SSH2: variants seen among roughly 807,000 people sequenced by gnomAD.
The protein encoded by SSH2 is protein phosphatase Slingshot homolog 2.
Under a neutral mutation model 135.2 loss-of-function variants are expected in SSH2, and 37 were observed. That is an observed-to-expected ratio of 0.27 (90% CI 0.21 to 0.36). The LOEUF (loss-of-function observed/expected upper bound fraction) is 0.36. SSH2 is among the 10% of genes least tolerant of loss of function. The probability of loss-of-function intolerance (pLI) is 1.00; values close to 1 mark genes in which losing one functional copy is unlikely to be tolerated. For missense variants in SSH2, 1,408 were observed against 1,765.3 expected (o/e 0.80, Z 3.63); for synonymous variants, 628 against 646.2 (o/e 0.97, Z 0.43).
intron 1 of SSH2, among the ~76,000 whole-genome samples, chr17:29,875,373 T>C (rs1041876552): frequency 1.3e-5 from 2 of 152,326 alleles, no homozygotes; most frequent in Admixed American, 6.5e-5. Flanking sequence ...GTAGGTTCTA[T>C]ATCCAAAATA....
chr17:29,859,351 A>C (rs958035912), intron 1 of SSH2, among the ~76,000 whole-genome samples: 2 of 151,888 alleles, frequency 1.3e-5, no homozygotes, highest in Non-Finnish European at 2.9e-5. Flanking sequence ...TATATGAATA[A>C]ACTCATGTCA....
intron 5 of SSH2, among the ~76,000 whole-genome samples, chr17:29,692,171 A>G (rs972654321): frequency 6.6e-6 from 1 of 151,850 alleles, no homozygotes; most frequent in Non-Finnish European, 1.5e-5. Flanking sequence ...AAAAATAAAA[A>G]AAAAAAAACA....
chr17:29,736,896 G>A (rs746388956), intron 3 of SSH2, among the ~76,000 whole-genome samples: 5 of 148,012 alleles, frequency 3.4e-5, no homozygotes, highest in East Asian at 4.0e-4. Flanking sequence ...TCAGGAGATC[G>A]AGACCATCCT....
At chr17:29,803,844 C>G (rs185848449) in intron 2 of SSH2, among the ~76,000 whole-genome samples, 4 of 152,130 alleles carry the variant, frequency 2.6e-5, no homozygotes, top group African/African-American at 9.7e-5. Context: ...GATATTTTTA[C>G]AGGTTAATGT....
At chr17:29,874,524 A>C (rs149791741) in intron 1 of SSH2, among the ~76,000 whole-genome samples, 20 of 152,208 alleles carry the variant, frequency 1.3e-4, no homozygotes, top group African/African-American at 4.6e-4. Context: ...GTGAGTTCTC[A>C]TGAGATCTGA....
intron 2 of SSH2, among the ~76,000 whole-genome samples, chr17:29,841,452 T>C (rs776418691): frequency 6.6e-6 from 1 of 152,202 alleles, no homozygotes; most frequent in Non-Finnish European, 1.5e-5. Context: ...TTCACTGACT[T>C]AAATTTATAC....
At chr17:29,680,021 A>T (rs2037903275) in intron 6 of SSH2, among the ~76,000 whole-genome samples, 1 of 152,220 alleles carries the variant, frequency 6.6e-6, no homozygotes, top group Non-Finnish European at 1.5e-5. Context: ...ATAGGTATAA[A>T]GACATAACAT....
At chr17:29,725,367 A>AAAAAAAAAAAC (rs2039967893) in intron 3 of SSH2, among the ~76,000 whole-genome samples, 1 of 151,204 alleles carries the variant, frequency 6.6e-6, no homozygotes, top group Non-Finnish European at 1.5e-5. Context: ...AAAAAAAAAA[A>AAAAAAAAAAAC]AAGCCAGGGA....
chr17:29,796,364 G>C (rs182964322), intron 2 of SSH2, among the ~76,000 whole-genome samples: 1 of 151,434 alleles, frequency 6.6e-6, no homozygotes, highest in African/African-American at 2.4e-5. Context: ...TTTTTGAGAC[G>C]GAGTCTCGCT....
At chr17:29,784,904 C>CT (rs2041928037) in intron 3 of SSH2, among the ~76,000 whole-genome samples, 1 of 152,114 alleles carries the variant, frequency 6.6e-6, no homozygotes, top group South Asian at 2.1e-4. Flanking sequence ...GCCCACATTG[C>CT]TTTTTTCCTC....
At chr17:29,721,096 C>T (rs2039808128) in intron 3 of SSH2, among the ~76,000 whole-genome samples, 1 of 152,172 alleles carries the variant, frequency 6.6e-6, no homozygotes. Context: ...TGATCCACAG[C>T]TCTTGGGGAG....
intron 1 of SSH2, among the ~76,000 whole-genome samples, chr17:29,858,626 C>T (rs1427878706): frequency 6.6e-6 from 1 of 152,094 alleles, no homozygotes; most frequent in East Asian, 1.9e-4. Flanking sequence ...TGCCTATAAT[C>T]CCAGCACTTT....
At position 29,779,810 on chromosome 17, in the gene SSH2, C is replaced by CAAAAAAAAAAA. The variant is rs56789691; in HGVS notation, c.188+14073_188+14083dup. 1.4e-3 allele frequency among the ~76,000 whole-genome samples: 28 copies of CAAAAAAAAAAA among 19,608 alleles called. 5 individuals carry two copies. Among genetic ancestry groups the CAAAAAAAAAAA allele is most frequent in the Non-Finnish European group, 2.1e-3 (25 of 11,666 alleles). 12.9% of individuals were successfully genotyped at this position (19,608 alleles called of 152,430 possible). On this transcript the variant is annotated intron_variant, in intron 3 of 15. Coordinates refer to ENST00000540801, the MANE Select transcript of SSH2 (RefSeq NM_001282129.2). ...TGGGCGACAGAGTGAGACTCTGTCT[C>CAAAAAAAAAAA]AAAAAAAAAAAAAAAAAAAAAAAAA...
At chr17:29,681,605 TTA>T (rs1290608509) in intron 6 of SSH2, among the ~76,000 whole-genome samples, 3 of 151,878 alleles carry the variant, frequency 2.0e-5, no homozygotes, top group Non-Finnish European at 2.9e-5. Context: ...CTCTATTATT[TTA>T]TAACTTAAAA....
intron 1 of SSH2, among the ~76,000 whole-genome samples, chr17:29,908,608 A>G (rs2066699763): frequency 6.6e-6 from 1 of 151,944 alleles, no homozygotes; most frequent in Admixed American, 6.6e-5. Context: ...TACTAAAAAT[A>G]CAAAAATTAG....
chr17:29,710,035 A>G (rs990018734), intron 3 of SSH2, among the ~76,000 whole-genome samples: 6 of 152,222 alleles, frequency 3.9e-5, no homozygotes, highest in Admixed American at 2.6e-4. Flanking sequence ...GAAAAGGTCA[A>G]CTAAGGGAAG....
intron 1 of SSH2, among the ~76,000 whole-genome samples, chr17:29,861,411 C>T (rs2065761777): frequency 6.6e-6 from 1 of 152,066 alleles, no homozygotes; most frequent in Non-Finnish European, 1.5e-5. Context: ...GCATCCTGCC[C>T]CGATAATCCA....
intron 2 of SSH2, among the ~76,000 whole-genome samples, chr17:29,801,646 G>C (rs2151314214): frequency 6.6e-6 from 1 of 152,208 alleles, no homozygotes; most frequent in East Asian, 1.9e-4. Flanking sequence ...TCTGTTTCTG[G>C]GTTACAACTG....
At chr17:29,650,831 C>A in intron 12 of SSH2, 31 bp from the exon 13 acceptor site, 1 of 1,555,682 alleles carries the variant, frequency 6.4e-7, no homozygotes, top group Non-Finnish European at 8.7e-7. Context: ...AATATGTGCT[C>A]TACTACTCAG....
Sources: gnomAD v4.1 joint callset for allele counts (sites outside exome capture counted in the v4.1 genomes callset) on GRCh38, gnomAD v4.1.1 for gene constraint, MANE v1.5 for transcripts, NCBI Gene and HGNC (gene_info 2026-07-23, HGNC 2026-07-21) for gene names.